Variants in TAFA1 observed in about 807,000 individuals in gnomAD.
The protein encoded by TAFA1 is chemokine-like protein TAFA-1.
Under a neutral mutation model 18.5 loss-of-function variants are expected in TAFA1, and 4 were observed. The observed-to-expected ratio is 0.22, with a 90% CI of 0.11 to 0.49. The LOEUF (loss-of-function observed/expected upper bound fraction) is 0.49, where lower values mean the gene tolerates loss of function less well. Among genes scored for constraint, TAFA1 ranks in the 20% least tolerant of loss-of-function variants. The pLI is 0.98. For missense variants in TAFA1, 147 were observed against 169.0 expected, an observed-to-expected ratio of 0.87 and a Z score of 0.72; for synonymous variants, 56 against 55.2, an observed-to-expected ratio of 1.01 and a Z score of -0.06.
At chr3:68,386,560 T>A (rs1245696661) in intron 2 of TAFA1, among the ~76,000 whole-genome samples, 1 of 152,138 alleles carries the variant, frequency 6.6e-6, no homozygotes, top group East Asian at 1.9e-4. Context: ...TGGAGGAGAC[T>A]GGCCTAGCTA....
intron 2 of TAFA1, among the ~76,000 whole-genome samples, chr3:68,032,637 G>A (rs776263369): frequency 1.4e-4 from 22 of 152,008 alleles, no homozygotes; most frequent in Non-Finnish European, 2.6e-4. Flanking sequence ...CCCACTGCCT[G>A]GTTCCACTTC....
At chr3:68,480,386 G>C (rs1321992088) in intron 3 of TAFA1, among the ~76,000 whole-genome samples, 2 of 151,202 alleles carry the variant, frequency 1.3e-5, no homozygotes, top group African/African-American at 2.4e-5. Context: ...CTGGGTGACA[G>C]AGCGAGACTT....
intron 2 of TAFA1, among the ~76,000 whole-genome samples, chr3:68,201,727 T>C (rs1053682890): frequency 1.3e-5 from 2 of 151,740 alleles, no homozygotes; most frequent in Admixed American, 6.6e-5. Context: ...TATAACAGAA[T>C]ACCTGACACT....
intron 3 of TAFA1, among the ~76,000 whole-genome samples, chr3:68,456,801 A>G (rs761319003): frequency 1.9e-4 from 29 of 152,138 alleles, no homozygotes; most frequent in Middle Eastern, 3.2e-3. Flanking sequence ...TTTTTTTACA[A>G]TGGTCCTTAA....
At chr3:68,433,903 G>C (rs933794765) in intron 3 of TAFA1, among the ~76,000 whole-genome samples, 2 of 152,086 alleles carry the variant, frequency 1.3e-5, no homozygotes, top group Non-Finnish European at 2.9e-5. Context: ...TGTTAAAGTG[G>C]AGAAATTAAG....
At chr3:68,426,991 T>C (rs1034383712) in intron 3 of TAFA1, among the ~76,000 whole-genome samples, 1 of 151,866 alleles carries the variant, frequency 6.6e-6, no homozygotes, top group African/African-American at 2.4e-5. Flanking sequence ...CCCATCTATA[T>C]AGCCACTTAA....
intron 2 of TAFA1, among the ~76,000 whole-genome samples, chr3:68,041,609 T>A (rs1209402650): frequency 6.6e-6 from 1 of 152,178 alleles, no homozygotes; most frequent in Admixed American, 6.5e-5. Flanking sequence ...AACTCTTTAT[T>A]GAGTGTCTGC....
intron 2 of TAFA1, among the ~76,000 whole-genome samples, chr3:68,384,141 A>G (rs1219835950): frequency 1.3e-5 from 2 of 151,808 alleles, no homozygotes; most frequent in Non-Finnish European, 2.9e-5. Context: ...TCCTGTATTC[A>G]TTGATATTTT....
chr3:68,339,117 G>C (rs752647621), intron 2 of TAFA1, among the ~76,000 whole-genome samples: 6 of 152,210 alleles, frequency 3.9e-5, no homozygotes, highest in Non-Finnish European at 7.3e-5. Context: ...GTGATGAGAA[G>C]TGTGGAAATT....
intron 2 of TAFA1, among the ~76,000 whole-genome samples, chr3:68,062,644 G>C (rs1367393875): frequency 6.6e-6 from 1 of 152,168 alleles, no homozygotes; most frequent in Non-Finnish European, 1.5e-5. Flanking sequence ...ACCATAAGCT[G>C]AAATTCCTAT....
At chr3:68,127,118 T>C (rs1246287362) in intron 2 of TAFA1, among the ~76,000 whole-genome samples, 1 of 152,202 alleles carries the variant, frequency 6.6e-6, no homozygotes, top group Non-Finnish European at 1.5e-5. Flanking sequence ...AGCTGACTTT[T>C]GACTCAATCA....
intron 2 of TAFA1, among the ~76,000 whole-genome samples, chr3:68,185,456 G>A (rs994553513): frequency 2.0e-5 from 3 of 152,020 alleles, no homozygotes; most frequent in Admixed American, 2.0e-4. Context: ...ACATTTTCAT[G>A]GTTTGCTCCA....
At chr3:68,266,255 G>C (rs932416406) in intron 2 of TAFA1, among the ~76,000 whole-genome samples, 1 of 152,156 alleles carries the variant, frequency 6.6e-6, no homozygotes, top group Non-Finnish European at 1.5e-5. Flanking sequence ...AGGTGTCCCA[G>C]CAGTTGGTAG....
At chr3:68,344,032 A>G (rs1049675679) in intron 2 of TAFA1, among the ~76,000 whole-genome samples, 11 of 152,130 alleles carry the variant, frequency 7.2e-5, no homozygotes, top group African/African-American at 1.4e-4. Flanking sequence ...TAGTAGAGAC[A>G]GGGTTTCTCC....
intron 2 of TAFA1, among the ~76,000 whole-genome samples, chr3:68,251,349 A>G (rs2067192379): frequency 6.6e-6 from 1 of 152,190 alleles, no homozygotes; most frequent in South Asian, 2.1e-4. Flanking sequence ...GCTATATGCT[A>G]AGTACTAAGA....
chr3:68,531,932 C>T (rs13434173), intron 3 of TAFA1, among the ~76,000 whole-genome samples: 2 of 152,130 alleles, frequency 1.3e-5, no homozygotes, highest in African/African-American at 4.8e-5. Context: ...CACATAGGAG[C>T]ACTCAATAAA....
intron 2 of TAFA1, chr3:68,145,705 A>G (rs946571399): frequency 1.3e-6 from 1 of 785,752 alleles, no homozygotes; most frequent in Non-Finnish European, 2.2e-6. Context: ...TAAAGTTTGT[A>G]TTTTCAATTT....
intron 3 of TAFA1, among the ~76,000 whole-genome samples, chr3:68,469,586 T>C (rs1255761171): frequency 6.6e-6 from 1 of 152,062 alleles, no homozygotes; most frequent in Non-Finnish European, 1.5e-5. Context: ...GGCAGGAGAA[T>C]GGCGTGAACC....
chr3:68,117,374 T>C (rs1380579324), intron 2 of TAFA1, among the ~76,000 whole-genome samples: 2 of 152,296 alleles, frequency 1.3e-5, no homozygotes, highest in African/African-American at 2.4e-5. Flanking sequence ...TGTATCAGAT[T>C]ACAAGTTAAA....
Sources: allele counts gnomAD v4.1 joint callset (sites outside exome capture counted in the v4.1 genomes callset), GRCh38; gene constraint gnomAD v4.1.1; transcripts MANE v1.5; gene names NCBI Gene and HGNC (gene_info 2026-07-23, HGNC 2026-07-21).